The following PTGR3 variants were observed in gnomAD, a reference collection of about 807,000 sequenced individuals.
PTGR3 encodes the protein zinc binding alcohol dehydrogenase domain containing 2.
chr18:75,198,379 A>G, the PTGR3 span: 1 of 152,222 alleles, frequency 6.6e-6, no homozygotes, highest in African/African-American at 2.4e-5. Flanking sequence ...CATTAGATAA[A>G]CACAGAATGT....
At chr18:75,196,250 A>T in the PTGR3 span, 1 of 152,168 alleles carries the variant, frequency 6.6e-6, no homozygotes. Flanking sequence ...TAATTATTTT[A>T]ATTTCATACC....
At chr18:75,208,523 C>T in the PTGR3 span, 17 of 1,072,234 alleles carry the variant, frequency 1.6e-5, 1 homozygote, top group South Asian at 6.8e-4. Flanking sequence ...GGAGCCTCCC[C>T]TTCTGGGTCC....
At chr18:75,201,765 G>A in the PTGR3 span, 24 of 1,614,216 alleles carry the variant, frequency 1.5e-5, no homozygotes, top group South Asian at 2.2e-5. Context: ...GCGCCCTTTC[G>A]TAGCCAGGGC....
the PTGR3 span, chr18:75,201,670 G>C: frequency 6.2e-7 from 1 of 1,614,060 alleles, no homozygotes. Context: ...GATTTCTTGA[G>C]CAGTTTGGCT....
At chr18:75,205,062 G>A in the PTGR3 span, 1 of 793,142 alleles carries the variant, frequency 1.3e-6, no homozygotes, top group Non-Finnish European at 1.5e-6. Context: ...TCCTCGCGCC[G>A]CGCTGTCTCC....
At chr18:75,208,623 G>T in the PTGR3 span, 2 of 622,476 alleles carry the variant, frequency 3.2e-6, no homozygotes, top group Non-Finnish European at 4.0e-6. Flanking sequence ...TCAGTTATGA[G>T]GACGTTCGGT....
At chr18:75,201,133 C>T in the PTGR3 span, 1 of 391,616 alleles carries the variant, frequency 2.6e-6, no homozygotes. Flanking sequence ...GAATTTAGTT[C>T]CCTGGAACAA....
the PTGR3 span, among the ~76,000 whole-genome samples, chr18:75,207,127 T>C: frequency 6.6e-6 from 1 of 152,322 alleles, no homozygotes; most frequent in East Asian, 1.9e-4. Flanking sequence ...GGGAGCCCTC[T>C]CCACCTCTCC....
the PTGR3 span, chr18:75,199,687 T>C: frequency 3.1e-4 from 47 of 152,750 alleles, no homozygotes; most frequent in Non-Finnish European, 3.5e-4. Flanking sequence ...AGTAACCCTT[T>C]GCTATAATGA....
the PTGR3 span, among the ~76,000 whole-genome samples, chr18:75,207,532 C>T: frequency 3.3e-5 from 5 of 152,162 alleles, no homozygotes. Flanking sequence ...ATGAATCAAT[C>T]CTCTGCTGTG....
At chr18:75,200,626 C>G in the PTGR3 span, 2 of 152,134 alleles carry the variant, frequency 1.3e-5, no homozygotes, top group Non-Finnish European at 2.9e-5. Context: ...ATGGAGCGCA[C>G]ACTTTTCTCT....
chr18:75,202,486 G>C, the PTGR3 span: 1 of 654,662 alleles, frequency 1.5e-6, no homozygotes, highest in African/African-American at 1.8e-5. Flanking sequence ...AATTAGTCCT[G>C]CTGCTCAGAT....
At chr18:75,203,608 T>G in the PTGR3 span, among the ~76,000 whole-genome samples, 1 of 152,230 alleles carries the variant, frequency 6.6e-6, no homozygotes, top group East Asian at 1.9e-4. Flanking sequence ...TCAAGCTGCA[T>G]TCAGACGCCA....
the PTGR3 span, chr18:75,209,037 C>G: frequency 1.9e-6 from 3 of 1,559,638 alleles, no homozygotes; most frequent in South Asian, 1.2e-5. This position sits in a 1 kb window ranked among gnomAD's most constrained non-coding sequence, Gnocchi z 4.7. Flanking sequence ...GCCCGGGCCC[C>G]GGTGGGCACC....
At chr18:75,206,734 G>A in the PTGR3 span, among the ~76,000 whole-genome samples, 1 of 152,200 alleles carries the variant, frequency 6.6e-6, no homozygotes, top group Non-Finnish European at 1.5e-5. Flanking sequence ...TAGGGGTTAG[G>A]TTGTTCATAT....
At chr18:75,196,351 A>T in the PTGR3 span, 1 of 151,716 alleles carries the variant, frequency 6.6e-6, no homozygotes, top group African/African-American at 2.4e-5. Context: ...CACTTAGGCC[A>T]GTATGGTGGC....
the PTGR3 span, among the ~76,000 whole-genome samples, chr18:75,206,550 T>C: frequency 1.3e-5 from 2 of 152,172 alleles, no homozygotes; most frequent in Non-Finnish European, 2.9e-5. Flanking sequence ...AAAAATTCGG[T>C]AAAATGTCAC....
chr18:75,201,665 C>G, the PTGR3 span: 1 of 1,614,072 alleles, frequency 6.2e-7, no homozygotes, highest in South Asian at 1.1e-5. Flanking sequence ...TGGCAGATTT[C>G]TTGAGCAGTT....
chr18:75,199,912 T>C, the PTGR3 span: 1 of 152,586 alleles, frequency 6.6e-6, no homozygotes, highest in African/African-American at 2.4e-5. Flanking sequence ...TAAATTGTAT[T>C]GTTGTGCATG....
Sources: allele counts gnomAD v4.1 joint callset (sites outside exome capture counted in the v4.1 genomes callset), GRCh38; gene constraint gnomAD v4.1.1; non-coding constraint Gnocchi (gnomAD v3.1); transcripts MANE v1.5; gene names NCBI Gene and HGNC (gene_info 2026-07-23, HGNC 2026-07-21).